Variants in CNTLN observed in about 807,000 individuals in gnomAD.
CNTLN encodes centlein.
A neutral mutation model predicts 180.0 loss-of-function variants in CNTLN; 212 were observed. That is an observed-to-expected ratio of 1.18 (90% CI 1.05 to 1.32). The LOEUF (loss-of-function observed/expected upper bound fraction) is 1.32. Among genes scored for constraint, CNTLN ranks in the 40% most tolerant of loss-of-function variants. CNTLN has a pLI of 0.00. For synonymous variants in CNTLN, 722 were observed against 563.1 expected, an observed-to-expected ratio of 1.28 and a Z score of -3.99; for missense variants, 2,095 against 1,610.9, an observed-to-expected ratio of 1.30 and a Z score of -5.14.
Position 17,328,293 on chromosome 9 carries a change from C to T in CNTLN, c.1342-2339C>T, listed in dbSNP as rs552764404. ...AATTGATAGCAGATTATACTTCTAC[C>T]CACTACCACATTCTCAAAGTAACCC... On this transcript the variant is annotated intron_variant, in intron 8 of 25. Coordinates refer to ENST00000380647, the MANE Select transcript of CNTLN (RefSeq NM_017738.4). Among the ~76,000 whole-genome samples, 7 of 152,148 alleles carry T rather than the reference C, an allele frequency of 4.6e-5. No homozygotes were observed. The South Asian group carries it at 1.2e-3, about 27-fold the overall frequency.
chr9:17,288,135 G>A lies in CNTLN; in HGVS notation c.984-10055G>A, dbSNP rs1405052405. 3.1e-5 allele frequency among the ~76,000 whole-genome samples: 4 copies of A among 128,674 alleles called. 1 individual carries two copies. Among genetic ancestry groups the A allele is most frequent in the Non-Finnish European group, 6.3e-5 (4 of 63,322 alleles). The allele number at this position is 128,674 out of a possible 152,430, so 84.4% of individuals were successfully genotyped here. ...TTTTGGATCTTTCCTGCTTTCTCTT[G>A]TGGGCATTTAGTGCTATAAATTTCC... is the stretch of plus-strand genomic sequence containing the variant. On this transcript the variant is annotated intron_variant, in intron 6 of 25. Coordinates refer to ENST00000380647, the MANE Select transcript of CNTLN (RefSeq NM_017738.4).
At chr9:17,362,612 A>T (rs1823489027) in intron 12 of CNTLN, among the ~76,000 whole-genome samples, 1 of 152,198 alleles carries the variant, frequency 6.6e-6, no homozygotes. Flanking sequence ...AATAATTACA[A>T]CAACTTGTGT....
At chr9:17,244,644 A>G (rs956589154) in intron 5 of CNTLN, among the ~76,000 whole-genome samples, 8 of 152,084 alleles carry the variant, frequency 5.3e-5, no homozygotes, top group African/African-American at 1.9e-4. Context: ...CTGTAGCATT[A>G]TTATTGATAA....
intron 12 of CNTLN, among the ~76,000 whole-genome samples, chr9:17,363,036 TCATCCATGTCCCTGCA>T (rs1823531190): frequency 6.6e-6 from 1 of 152,226 alleles, no homozygotes; most frequent in South Asian, 2.1e-4. Context: ...GTTTCCAGCT[TCATCCATGTCCCTGCA>T]AAGGACATGA....
At position 17,484,629 on chromosome 9, in the gene CNTLN, A is replaced by G. The variant is rs1832810861; in HGVS notation, c.4041+149A>G. 10 of 612,312 alleles carry G rather than the reference A, an allele frequency of 1.6e-5. No homozygotes were observed. The Admixed American group carries it at 3.9e-4, about 24-fold the overall frequency. 37.9% of individuals were successfully genotyped at this position (612,312 alleles called of 1,614,324 possible). ...GTTAAAGTGCCAATGAAAGATACAC[A>G]TCAAGTATTAACTAACTCAAAAAGC... On this transcript the variant is annotated intron_variant, in intron 24 of 25. Coordinates refer to ENST00000380647, the MANE Select transcript of CNTLN (RefSeq NM_017738.4).
At chr9:17,444,785 A>G (rs886464049) in intron 18 of CNTLN, among the ~76,000 whole-genome samples, 1 of 152,208 alleles carries the variant, frequency 6.6e-6, no homozygotes, top group South Asian at 2.1e-4. Flanking sequence ...ACTTGAAAGA[A>G]TATGATAAAC....
At chr9:17,433,764 A>G (rs756905068) in intron 18 of CNTLN, among the ~76,000 whole-genome samples, 1 of 152,074 alleles carries the variant, frequency 6.6e-6, no homozygotes, top group Non-Finnish European at 1.5e-5. Flanking sequence ...AATTTTTTGT[A>G]GAGATGGGAT....
intron 1 of CNTLN, among the ~76,000 whole-genome samples, chr9:17,138,717 T>C (rs1190851578): frequency 1.3e-5 from 2 of 152,190 alleles, no homozygotes; most frequent in African/African-American, 4.8e-5. Context: ...GATGACCAAA[T>C]ATTTGTTTAG....
intron 10 of CNTLN, among the ~76,000 whole-genome samples, chr9:17,334,817 A>G (rs1005241700): frequency 1.3e-5 from 2 of 151,516 alleles, no homozygotes; most frequent in African/African-American, 4.8e-5. Flanking sequence ...TGTGTTCACT[A>G]TCTGGGTGAT....
chr9:17,141,795 C>G (rs17827163), intron 1 of CNTLN, among the ~76,000 whole-genome samples: 7,302 of 151,904 alleles, frequency 0.048, 230 homozygotes, highest in South Asian at 0.15. Context: ...AAAGAATAAC[C>G]AAGATTGGCT....
chr9:17,273,217 T>G (rs1330920136), intron 5 of CNTLN, among the ~76,000 whole-genome samples: 1 of 152,136 alleles, frequency 6.6e-6, no homozygotes, highest in Non-Finnish European at 1.5e-5. Flanking sequence ...AAGATCAGCT[T>G]TCAAGAACTT....
chr9:17,332,607 AC>A lies in CNTLN; in HGVS notation c.1523del (p.Pro508HisfsTer3), dbSNP rs1564001817. On this transcript the variant is annotated frameshift_variant, in exon 10 of 26. Coordinates refer to ENST00000380647, the MANE Select transcript of CNTLN (RefSeq NM_017738.4). LOFTEE classifies it high-confidence loss of function. ...CATGTCCTTGTTTTATTCTCGAGGAACCACCTGTGAAACGTTCAAGGTCTTT... is the reference window on the plus strand; with the variant it reads ...CATGTCCTTGTTTTATTCTCGAGGAACACCTGTGAAACGTTCAAGGTCTTT... ...MTSAEGKHKE[P>X]PVKRSRSLSP... The A allele has an allele frequency of 6.2e-7, 1 of 1,603,796 alleles. No homozygotes were observed. The highest frequency in any genetic ancestry group is 8.5e-7 in the Non-Finnish European group (1 of 1,175,758).
chr9:17,165,910 C>T (rs987334840), intron 2 of CNTLN, among the ~76,000 whole-genome samples: 1 of 152,182 alleles, frequency 6.6e-6, no homozygotes, highest in African/African-American at 2.4e-5. Flanking sequence ...ATGACACTTC[C>T]CCCACACTGT....
At chr9:17,180,380 A>C (rs1189686108) in intron 2 of CNTLN, among the ~76,000 whole-genome samples, 1 of 140,724 alleles carries the variant, frequency 7.1e-6, no homozygotes, top group African/African-American at 2.7e-5. Flanking sequence ...TATATTATAT[A>C]TACATAACTT....
the CNTLN span, among the ~76,000 whole-genome samples, chr9:17,516,947 A>G: frequency 6.6e-6 from 1 of 152,198 alleles, no homozygotes; most frequent in Non-Finnish European, 1.5e-5. Context: ...GAATCTTTCT[A>G]TCTCGAGCAC....
At chr9:17,301,552 G>A (rs1818352867) in intron 7 of CNTLN, 1 of 984,850 alleles carries the variant, frequency 1.0e-6, no homozygotes, top group Non-Finnish European at 1.2e-6. Context: ...ACCTTGGGGA[G>A]TGTGGGAGTA....
chr9:17,383,513 TA>T (rs34248167), intron 13 of CNTLN, among the ~76,000 whole-genome samples: 19 of 149,970 alleles, frequency 1.3e-4, no homozygotes, highest in African/African-American at 3.2e-4. Flanking sequence ...GACCCTGTCT[TA>T]AAAAAAAATG....
chr9:17,473,940 T>C (rs145325591), intron 23 of CNTLN, among the ~76,000 whole-genome samples: 1 of 152,300 alleles, frequency 6.6e-6, no homozygotes, highest in Non-Finnish European at 1.5e-5. Context: ...TTCCTTATGA[T>C]GTACTACACT....
chr9:17,499,306 T>C (rs1833622089), intron 25 of CNTLN, among the ~76,000 whole-genome samples: 1 of 152,206 alleles, frequency 6.6e-6, no homozygotes, highest in African/African-American at 2.4e-5. Flanking sequence ...TTAACTATAA[T>C]TTATGATGTT....
Sources: gnomAD v4.1 joint callset for allele counts (sites outside exome capture counted in the v4.1 genomes callset) on GRCh38, gnomAD v4.1.1 for gene constraint, MANE v1.5 for transcripts, NCBI Gene and HGNC (gene_info 2026-07-23, HGNC 2026-07-21) for gene names.